The following SLC68A1 variants were observed in gnomAD, a reference collection of about 807,000 sequenced individuals.
The protein encoded by SLC68A1 is major facilitator superfamily domain containing 13A.
At chr10:102,464,163 AG>A in the SLC68A1 span, among the ~76,000 whole-genome samples, 1 of 152,224 alleles carries the variant, frequency 6.6e-6, no homozygotes, top group Admixed American at 6.5e-5. Flanking sequence ...TGATCTTTAA[AG>A]ATCATGAAAC....
the SLC68A1 span, chr10:102,476,042 G>GTTTT: frequency 1.0e-6 from 1 of 958,158 alleles, no homozygotes. Context: ...GAAGGAGCCA[G>GTTTT]TTTTTTTTGG....
chr10:102,476,074 AGTT>A, the SLC68A1 span: 2 of 1,167,700 alleles, frequency 1.7e-6, no homozygotes, highest in Non-Finnish European at 2.2e-6. Context: ...AGGATTTCAT[AGTT>A]TTTTTTTTTT....
the SLC68A1 span, chr10:102,473,106 G>A: frequency 1.5e-6 from 1 of 671,658 alleles, no homozygotes; most frequent in Non-Finnish European, 2.6e-6. Context: ...GATTACAGGT[G>A]TGAGCCACTG....
chr10:102,463,209 G>T, the SLC68A1 span, among the ~76,000 whole-genome samples: 3 of 141,616 alleles, frequency 2.1e-5, no homozygotes, highest in South Asian at 2.2e-4. Flanking sequence ...GTCTCACTCT[G>T]TCCTCCAGGC....
chr10:102,474,063 T>G, the SLC68A1 span: 3 of 1,503,782 alleles, frequency 2.0e-6, no homozygotes, highest in Non-Finnish European at 2.7e-6. Context: ...GGGGCACAGC[T>G]TACCTGGCAC....
chr10:102,470,631 C>T, the SLC68A1 span: 29 of 1,587,814 alleles, frequency 1.8e-5, no homozygotes, highest in South Asian at 1.1e-4. Context: ...AAGTCTGACA[C>T]GGCATCTCCC....
At chr10:102,472,737 C>G in the SLC68A1 span, 1 of 796,446 alleles carries the variant, frequency 1.3e-6, no homozygotes, top group Non-Finnish European at 2.2e-6. Flanking sequence ...GGCCTGCTCT[C>G]GCTCTTGCTG....
chr10:102,476,081 T>TG, the SLC68A1 span: 16 of 1,294,216 alleles, frequency 1.2e-5, no homozygotes, highest in African/African-American at 1.5e-5. Flanking sequence ...CATAGTTTTT[T>TG]TTTTTTTTTT....
At chr10:102,473,734 A>G in the SLC68A1 span, 1 of 1,612,832 alleles carries the variant, frequency 6.2e-7, no homozygotes, top group Non-Finnish European at 8.5e-7. Context: ...GTGCCTCTTC[A>G]TTGCCAGGTA....
the SLC68A1 span, chr10:102,471,071 G>C: frequency 6.2e-7 from 1 of 1,613,926 alleles, no homozygotes; most frequent in South Asian, 1.1e-5. Context: ...GCGGGTTGAG[G>C]CGGCCCGAAA....
the SLC68A1 span, chr10:102,472,763 G>A: frequency 2.2e-6 from 2 of 928,564 alleles, no homozygotes; most frequent in Non-Finnish European, 3.6e-6. Flanking sequence ...AGGATGGGGA[G>A]TTGGGGGGGA....
At chr10:102,469,929 G>T in the SLC68A1 span, 53 of 1,573,234 alleles carry the variant, frequency 3.4e-5, no homozygotes, top group South Asian at 2.9e-4. Context: ...GCAGGCTGAG[G>T]GGGGAGGAGC....
At chr10:102,468,832 C>T in the SLC68A1 span, 2 of 568,038 alleles carry the variant, frequency 3.5e-6, no homozygotes, top group Non-Finnish European at 6.3e-6. Context: ...TTCATAATTC[C>T]CAGCGCTGTT....
chr10:102,476,001 A>C, the SLC68A1 span: 3 of 1,474,628 alleles, frequency 2.0e-6, no homozygotes, highest in Non-Finnish European at 2.7e-6. Context: ...TGGCAAGGTC[A>C]CCCCACTGAG....
chr10:102,471,496 A>G, the SLC68A1 span: 2 of 1,512,910 alleles, frequency 1.3e-6, no homozygotes, highest in Non-Finnish European at 1.8e-6. Context: ...ATGGTGGCTC[A>G]TGCCTGTAGT....
chr10:102,470,629 C>CA, the SLC68A1 span: 1 of 1,585,892 alleles, frequency 6.3e-7, no homozygotes, highest in Non-Finnish European at 8.6e-7. Flanking sequence ...CCAAGTCTGA[C>CA]ACGGCATCTC....
the SLC68A1 span, chr10:102,469,835 G>A: frequency 7.1e-6 from 7 of 985,392 alleles, no homozygotes; most frequent in Non-Finnish European, 8.4e-6. Context: ...ACCAGCGCCT[G>A]GCCAGAGTGG....
chr10:102,470,884 C>T, the SLC68A1 span: 8 of 1,613,172 alleles, frequency 5.0e-6, no homozygotes, highest in East Asian at 2.2e-5. Flanking sequence ...TCTCAGCCCA[C>T]GACCGCACCC....
At chr10:102,474,055 G>A in the SLC68A1 span, 1 of 1,528,002 alleles carries the variant, frequency 6.5e-7, no homozygotes, top group Non-Finnish European at 8.8e-7. Flanking sequence ...GGCTCCAGGG[G>A]GCACAGCTTA....
Sources: allele counts gnomAD v4.1 joint callset (sites outside exome capture counted in the v4.1 genomes callset), GRCh38; gene constraint gnomAD v4.1.1; transcripts MANE v1.5; gene names NCBI Gene and HGNC (gene_info 2026-07-23, HGNC 2026-07-21).